TACC2: variants seen among roughly 807,000 people sequenced by gnomAD.
TACC2 encodes transforming acidic coiled-coil-containing protein 2.
In TACC2, 137 loss-of-function variants were observed where a neutral mutation model predicts 227.3. That is an observed-to-expected ratio of 0.60 (90% confidence interval 0.52 to 0.69). TACC2 has a LOEUF of 0.69. TACC2 is among the 30% of genes least tolerant of loss of function. The probability of loss-of-function intolerance (pLI) is 0.00; values close to 1 mark genes in which losing one functional copy is unlikely to be tolerated. For synonymous variants in TACC2, 1,523 were observed against 1,487.5 expected (o/e 1.02, Z -0.55); for missense variants, 3,470 against 3,694.4 (o/e 0.94, Z 1.57).
At chr10:122,078,379 T>C (rs938039495) in intron 3 of TACC2, among the ~76,000 whole-genome samples, 1 of 152,032 alleles carries the variant, frequency 6.6e-6, no homozygotes, top group African/African-American at 2.4e-5. Context: ...CCTTTAAGCA[T>C]TGCATGTGTG....
chr10:122,170,655 G>T (rs1479152364), intron 7 of TACC2, among the ~76,000 whole-genome samples: 2 of 152,052 alleles, frequency 1.3e-5, no homozygotes, highest in Non-Finnish European at 1.5e-5. Flanking sequence ...TTTCTAGAAC[G>T]GTCCATGTCA....
At chr10:122,010,920 T>C (rs1198302316) in intron 1 of TACC2, among the ~76,000 whole-genome samples, 1 of 152,200 alleles carries the variant, frequency 6.6e-6, no homozygotes, top group African/African-American at 2.4e-5. Flanking sequence ...TGGGTGGTTC[T>C]CTTGGTCTCA....
chr10:122,176,184 A>C (rs1221517263), intron 7 of TACC2, among the ~76,000 whole-genome samples: 1 of 150,634 alleles, frequency 6.6e-6, no homozygotes, highest in Non-Finnish European at 1.5e-5. Context: ...TAAGATAGAA[A>C]AGGCCAAAGT....
At position 122,150,993 on chromosome 10, in the gene TACC2, T is replaced by G. The variant is rs2091982972; in HGVS notation, c.5834+7287T>G. 6.6e-6 allele frequency among the ~76,000 whole-genome samples: 1 copy of G among 152,176 alleles called. No individual in the cohort carries two copies. Among genetic ancestry groups the G allele is most frequent in the Admixed American group, 6.5e-5 (1 of 15,288 alleles). ...ATGAGTTACTTGACTACTCTGAGCC[T>G]TGGTTTACCCATCTTTAAGATAGGG... On this transcript the variant is annotated intron_variant, in intron 7 of 22. Coordinates refer to ENST00000369005, the MANE Select transcript of TACC2 (RefSeq NM_206862.4). The surrounding 1 kb of genome is among the most constrained non-coding windows in gnomAD (Gnocchi z 4.0).
chr10:122,144,690 A>G (rs1016623904), intron 7 of TACC2, among the ~76,000 whole-genome samples: 4 of 152,378 alleles, frequency 2.6e-5, no homozygotes, highest in South Asian at 4.1e-4. Flanking sequence ...ATGATATTCT[A>G]GAATACCGGG....
Position 122,084,966 on chromosome 10 carries a change from C to T in TACC2, c.2466C>T (p.Pro822=). 1.2e-6 allele frequency: 2 copies of T among 1,614,128 alleles called. No individual in the cohort carries two copies. Among genetic ancestry groups the T allele is most frequent in the African/African-American group, 2.7e-5 (2 of 75,032 alleles). The part of the protein sequence containing the change: ...GWIRGAASEW[P]LLSSEKHLQP... ...TAAGAGGAGCTGCATCCGAGTGGCC[C>T]CTACTATCTTCTGAGAAGCATCTCC... The change falls in exon 4 of 23, where the codon CCC becomes CCT. Residue 822 remains proline (P), a synonymous_variant. Coordinates refer to ENST00000369005, the MANE Select transcript of TACC2 (RefSeq NM_206862.4).
At chr10:122,152,999 CT>C (rs150943859) in intron 7 of TACC2, among the ~76,000 whole-genome samples, 5 of 135,024 alleles carry the variant, frequency 3.7e-5, no homozygotes, top group Admixed American at 7.8e-5. Context: ...TTCTTTCTTT[CT>C]TTTTTTTTTG....
Position 122,141,773 on chromosome 10 carries a change from A to C in TACC2, c.5700-1799A>C, listed in dbSNP as rs899639487. On this transcript the variant is annotated intron_variant, in intron 6 of 22. Coordinates refer to ENST00000369005, the MANE Select transcript of TACC2 (RefSeq NM_206862.4). This position sits in a 1 kb window ranked among gnomAD's most constrained non-coding sequence, Gnocchi z 4.3. ...AAATCACAGAACCACAAACAATACC[A>C]CCTTTCCACAATTTGCATTAAACTA... Among the ~76,000 whole-genome samples the C allele has an allele frequency of 6.6e-6, 1 of 151,844 alleles. No individual in the cohort carries two copies. Among genetic ancestry groups the C allele is most frequent in the Non-Finnish European group, 1.5e-5 (1 of 67,970 alleles).
chr10:122,167,846 TA>T (rs1369504864), intron 7 of TACC2, among the ~76,000 whole-genome samples: 1 of 152,236 alleles, frequency 6.6e-6, no homozygotes, highest in Non-Finnish European at 1.5e-5. Context: ...GCTGGGGCTC[TA>T]AGCAGGACTC....
At chr10:122,227,690 G>A in intron 13 of TACC2, 147 bp from the exon 14 acceptor site, 1 of 839,378 alleles carries the variant, frequency 1.2e-6, no homozygotes, top group Non-Finnish European at 1.9e-6. Context: ...GCCCAGCCTA[G>A]AGGCTGCATG....
At chr10:122,048,886 T>C (rs1172771576) in intron 2 of TACC2, among the ~76,000 whole-genome samples, 1 of 152,244 alleles carries the variant, frequency 6.6e-6, no homozygotes, top group Non-Finnish European at 1.5e-5. Context: ...GATGTTAAAC[T>C]GTGGTACATA....
Position 122,211,071 on chromosome 10 carries a change from C to T in TACC2, c.6646C>T (p.Pro2216Ser), listed in dbSNP as rs1434010762. The change falls in exon 9 of 23, where the codon CCG becomes TCG. Residue 2216 changes from proline (P) to serine (S), a missense_variant. By Grantham distance (74) the Pro-to-Ser change is moderately conservative (BLOSUM62 -1). This residue lies in a region of TACC2 where 593 missense variants were observed against 636.6 expected (regional missense o/e 0.93). Transcript: ENST00000369005. ...DSESAEGVVP[P>S]ASGGGRVQNS... ...AGAGAGTGCAGAAGGGGTTGTCCCC[C>T]CGGCTTCTGGAGGTGGCAGAGTGCA... The T allele has an allele frequency of 1.9e-6, 3 of 1,612,468 alleles. No homozygotes were observed. Among genetic ancestry groups the T allele is most frequent in the Admixed American group, 3.4e-5 (2 of 59,700 alleles).
chr10:122,102,041 T>C (rs1161107502), intron 5 of TACC2, among the ~76,000 whole-genome samples: 2 of 152,048 alleles, frequency 1.3e-5, no homozygotes, highest in Non-Finnish European at 2.9e-5. Flanking sequence ...CATCATAAAG[T>C]GTGCTTACGC....
chr10:122,233,229 T>C (rs1030637620), intron 16 of TACC2, among the ~76,000 whole-genome samples: 5 of 152,048 alleles, frequency 3.3e-5, no homozygotes, highest in African/African-American at 1.2e-4. Flanking sequence ...CTCCTGGGAG[T>C]GAACCTGACC....
intron 18 of TACC2, among the ~76,000 whole-genome samples, chr10:122,240,349 T>C (rs2141691505): frequency 6.6e-6 from 1 of 152,292 alleles, no homozygotes; most frequent in East Asian, 1.9e-4. Context: ...GTGTAGGATT[T>C]GGAAAGAACC....
chr10:122,008,634 A>G (rs939583996), intron 1 of TACC2, among the ~76,000 whole-genome samples: 1 of 151,272 alleles, frequency 6.6e-6, no homozygotes, highest in Non-Finnish European at 1.5e-5. Flanking sequence ...GTGCAGTGGC[A>G]CAGTCTCTAC....
rs1306557317 is a variant in TACC2, at chr10:122,141,520, G to A, written c.5700-2052G>A. 2.0e-5 allele frequency among the ~76,000 whole-genome samples: 3 copies of A among 152,096 alleles called. No homozygotes were observed. Among genetic ancestry groups the A allele is most frequent in the South Asian group, 2.1e-4 (1 of 4,820 alleles). On this transcript the variant is annotated intron_variant, in intron 6 of 22. Coordinates refer to ENST00000369005, the MANE Select transcript of TACC2 (RefSeq NM_206862.4). The surrounding 1 kb of genome is among the most constrained non-coding windows in gnomAD (Gnocchi z 4.3). ...GCAGCTGTGGGTGTTAAGGGCAGGCGGGGGAGCTTGGTGAGTGAGCCTTGG... is the reference window on the plus strand; with the variant it reads ...GCAGCTGTGGGTGTTAAGGGCAGGCAGGGGAGCTTGGTGAGTGAGCCTTGG...
rs554049919 is a variant in TACC2 at position 122,211,748 on chromosome 10, G to A, written c.7283+40G>A. On this transcript the variant is annotated intron_variant, in intron 9 of 22. Transcript: ENST00000369005. ...GGAGGTGGTAAGGATCAGAGGCGGG[G>A]GTGCGCATTGGCTGTGACCCTTGGT... 3 of 1,498,796 alleles carry A rather than the reference G, an allele frequency of 2.0e-6. No individual in the cohort carries two copies. In the African/African-American group the frequency reaches 4.2e-5, roughly 21 times the overall value. The allele number at this position is 1,498,796 out of a possible 1,614,324, so 92.8% of individuals were successfully genotyped here.
intron 5 of TACC2, among the ~76,000 whole-genome samples, chr10:122,094,895 G>A (rs2081215094): frequency 6.6e-6 from 1 of 152,224 alleles, no homozygotes; most frequent in Non-Finnish European, 1.5e-5. Context: ...TTCTCATTAT[G>A]GCCACCGGTA....
Sources: gnomAD v4.1 joint callset for allele counts (sites outside exome capture counted in the v4.1 genomes callset) on GRCh38, gnomAD v4.1.1 for gene constraint, gnomAD v4.1.1 regional missense constraint, Gnocchi (gnomAD v3.1) non-coding constraint, MANE v1.5 for transcripts, NCBI Gene and HGNC (gene_info 2026-07-23, HGNC 2026-07-21) for gene names.